The following GRIP1 variants were observed in gnomAD, a reference collection of about 807,000 sequenced individuals.
GRIP1 encodes glutamate receptor-interacting protein 1.
Under a neutral mutation model 129.9 loss-of-function variants are expected in GRIP1, and 45 were observed. That is an observed-to-expected ratio of 0.35 (90% CI 0.27 to 0.44). The LOEUF (loss-of-function observed/expected upper bound fraction) is 0.44. Ranked by LOEUF, GRIP1 falls within the 20% of genes least tolerant of loss-of-function variation. The pLI, the probability that GRIP1 is intolerant of heterozygous loss-of-function variation, is 1.00. For synonymous variants in GRIP1, 530 were observed against 520.8 expected (o/e 1.02, Z -0.24); for missense variants, 1,196 against 1,396.8 (o/e 0.86, Z 2.29).
intron 1 of GRIP1, among the ~76,000 whole-genome samples, chr12:66,971,583 C>G (rs1021871): frequency 0.26 from 39,783 of 151,962 alleles, 5,704 homozygotes; most frequent in East Asian, 0.5. Context: ...CAGCTATAGT[C>G]CCTGCCCTTG....
intron 1 of GRIP1, among the ~76,000 whole-genome samples, chr12:66,837,807 C>G (rs1197902557): frequency 6.6e-6 from 1 of 152,044 alleles, no homozygotes; most frequent in African/African-American, 2.4e-5. Context: ...GGAGAAAGGT[C>G]AAATGTTTAA....
chr12:66,392,173 T>A (rs1197227925), intron 19 of GRIP1, 135 bp downstream of exon 19: 1 of 668,950 alleles, frequency 1.5e-6, no homozygotes, highest in African/African-American at 1.8e-5. Context: ...TTCAATGTGT[T>A]CAATATGATT....
chr12:66,524,876 C>A (rs756024912), intron 5 of GRIP1, among the ~76,000 whole-genome samples: 2 of 152,160 alleles, frequency 1.3e-5, no homozygotes, highest in Middle Eastern at 3.2e-3. Context: ...GAAATACAAA[C>A]TACCATCAGA....
Position 66,466,999 on chromosome 12 carries a change from A to T in GRIP1, c.725-1577T>A, listed in dbSNP as rs573703682. 1.6e-4 allele frequency among the ~76,000 whole-genome samples: 24 copies of T among 152,350 alleles called. No homozygotes were observed. In the South Asian group the frequency reaches 5.0e-3, roughly 32 times the overall value. On this transcript the variant is annotated intron_variant, in intron 7 of 24. Coordinates refer to ENST00000359742, the MANE Select transcript of GRIP1 (RefSeq NM_001366722.1). ...ATCTTCAGTTTGAGATAAGATACTT[A>T]TTAAAGTAAAGATGACAATATCCAG...
intron 1 of GRIP1, among the ~76,000 whole-genome samples, chr12:66,760,101 G>C (rs895166830): frequency 6.6e-6 from 1 of 152,046 alleles, no homozygotes; most frequent in East Asian, 1.9e-4. Flanking sequence ...TGATCCATGT[G>C]CCTTAGCCTC....
chr12:66,471,760 C>T (rs1278823057), intron 7 of GRIP1, among the ~76,000 whole-genome samples: 1 of 152,184 alleles, frequency 6.6e-6, no homozygotes, highest in African/African-American at 2.4e-5. Flanking sequence ...GCCCTCAACA[C>T]ATTTTATGAT....
At chr12:66,495,918 G>A (rs2060227345) in intron 7 of GRIP1, among the ~76,000 whole-genome samples, 1 of 152,178 alleles carries the variant, frequency 6.6e-6, no homozygotes, top group Non-Finnish European at 1.5e-5. Context: ...AGGAGTCCTC[G>A]GCGGCAGGTG....
chr12:66,585,101 C>T (rs28711517), intron 2 of GRIP1, among the ~76,000 whole-genome samples: 4,844 of 82,774 alleles, frequency 0.059, 277 homozygotes, highest in African/African-American at 0.2. Context: ...TCTTTTTTTT[C>T]CTTCTTTTTT....
At chr12:66,664,285 G>A (rs1272511710) in intron 1 of GRIP1, among the ~76,000 whole-genome samples, 1 of 152,162 alleles carries the variant, frequency 6.6e-6, no homozygotes, top group Non-Finnish European at 1.5e-5. Context: ...TTACTTCCCT[G>A]CATTATGACA....
At chr12:67,021,611 T>C (rs2042868232) in intron 1 of GRIP1, among the ~76,000 whole-genome samples, 1 of 152,188 alleles carries the variant, frequency 6.6e-6, no homozygotes, top group South Asian at 2.1e-4. Flanking sequence ...ATACCCATCA[T>C]CTCAAACACT....
intron 1 of GRIP1, among the ~76,000 whole-genome samples, chr12:66,938,547 C>T (rs900864476): frequency 2.0e-5 from 3 of 152,052 alleles, no homozygotes; most frequent in Non-Finnish European, 2.9e-5. Flanking sequence ...TAGAAGGGTT[C>T]GAGGGGTATG....
At chr12:66,882,826 T>C (rs1195875843) in intron 1 of GRIP1, among the ~76,000 whole-genome samples, 1 of 152,078 alleles carries the variant, frequency 6.6e-6, no homozygotes, top group Non-Finnish European at 1.5e-5. Flanking sequence ...GCCAGAAGGA[T>C]TATTATCTCC....
chr12:66,704,164 T>A (rs1330683254), intron 1 of GRIP1, among the ~76,000 whole-genome samples: 1 of 151,892 alleles, frequency 6.6e-6, no homozygotes, highest in Admixed American at 6.6e-5. Context: ...CACACAAACA[T>A]CAAAATAAAC....
chr12:66,763,649 C>A (rs1018528928), intron 1 of GRIP1, among the ~76,000 whole-genome samples: 1 of 152,106 alleles, frequency 6.6e-6, no homozygotes, highest in African/African-American at 2.4e-5. Context: ...CGGAAGACAA[C>A]CCCATCATTA....
chr12:66,396,553 G>T (rs1177474094), intron 16 of GRIP1, among the ~76,000 whole-genome samples: 1 of 152,184 alleles, frequency 6.6e-6, no homozygotes, highest in Non-Finnish European at 1.5e-5. Flanking sequence ...AGGATAGTCT[G>T]TTTCAGGCTG....
intron 23 of GRIP1, among the ~76,000 whole-genome samples, chr12:66,363,010 C>T (rs527697880): frequency 1.8e-4 from 27 of 151,230 alleles, no homozygotes; most frequent in Non-Finnish European, 2.5e-4. Context: ...TTTTATTTCC[C>T]GACAAGTTAT....
chr12:66,977,681 G>T (rs1473134491), intron 1 of GRIP1, among the ~76,000 whole-genome samples: 1 of 152,014 alleles, frequency 6.6e-6, no homozygotes, highest in Non-Finnish European at 1.5e-5. Flanking sequence ...TTTGTATCTG[G>T]CTTGTTTTTC....
At chr12:67,026,242 GAAAAC>G (rs1230063978) in intron 1 of GRIP1, among the ~76,000 whole-genome samples, 2 of 152,124 alleles carry the variant, frequency 1.3e-5, no homozygotes, top group African/African-American at 4.8e-5. Context: ...ACATAAAGAA[GAAAAC>G]AAATGTCATG....
chr12:67,065,400 C>T (rs560787351), intron 1 of GRIP1: 2 of 151,888 alleles, frequency 1.3e-5, no homozygotes, highest in African/African-American at 4.8e-5. Flanking sequence ...TGTAGACCTC[C>T]AAAACTTGTA....
Sources: allele counts gnomAD v4.1 joint callset (sites outside exome capture counted in the v4.1 genomes callset), GRCh38; gene constraint gnomAD v4.1.1; transcripts MANE v1.5; gene names NCBI Gene and HGNC (gene_info 2026-07-23, HGNC 2026-07-21).